The following CC2D1B variants were observed in gnomAD, a reference collection of about 807,000 sequenced individuals.
The protein encoded by CC2D1B is coiled-coil and C2 domain containing 1B.
In CC2D1B, 92 loss-of-function variants were observed where a neutral mutation model predicts 110.8. The observed-to-expected ratio is 0.83, with a 90% CI of 0.70 to 0.99. The LOEUF (loss-of-function observed/expected upper bound fraction) is 0.99, where lower values mean the gene tolerates loss of function less well. CC2D1B is among the 50% of genes least tolerant of loss of function. The pLI is 0.00. For synonymous variants in CC2D1B, 406 were observed against 429.2 expected, an observed-to-expected ratio of 0.95 and a Z score of 0.67; for missense variants, 1,136 against 1,089.0, an observed-to-expected ratio of 1.04 and a Z score of -0.61.
At position 52,359,520 on chromosome 1, in the gene CC2D1B, G is replaced by C. The variant is rs2147894058; in HGVS notation, c.957C>G (p.Val319=). The change falls in exon 9 of 25, where the codon GTC becomes GTG. Residue 319 remains valine, a synonymous_variant. Coordinates refer to ENST00000284376, the MANE Select transcript of CC2D1B (RefSeq NM_001330585.2). ...GCTGCCCCTTCTCCAGGGCCTCCAG[G>C]ACAGCACCGAATCTCTGCAGAAGTT... ...LMRIGKRFGA[V]LEALEKGQPV... is the part of the protein sequence containing the mutation. The C allele has an allele frequency of 1.2e-6, 2 of 1,613,950 alleles. No homozygotes were observed. Among genetic ancestry groups the C allele is most frequent in the Middle Eastern group, 1.7e-4 (1 of 6,060 alleles).
rs1440365793 is a variant in CC2D1B at position 52,352,116 on chromosome 1, T to C, written c.*1109A>G. 2 of 152,126 alleles carry C rather than the reference T, an allele frequency of 1.3e-5. No individual in the cohort carries two copies. The highest frequency in any genetic ancestry group is 2.9e-5 in the Non-Finnish European group (2 of 68,050). The allele number at this position is 152,126 out of a possible 1,614,324, so 9.4% of individuals were successfully genotyped here. A position where few individuals can be genotyped will look rare whatever the true frequency, so the allele number is the denominator to read the frequency against. ...TATTTGCTTCACTTCTAACCTTTTT[T>C]AAAAGTGATCTTGAGGAATGCTTTG... On this transcript the variant is annotated 3_prime_UTR_variant, in exon 25 of 25. Transcript: ENST00000284376.
At position 52,354,862 on chromosome 1, in the gene CC2D1B, T is replaced by C. The variant is rs746578834; in HGVS notation, c.2317A>G (p.Lys773Glu). ...CACCCTTTGTGGAAGATCTCAAACT[T>C]GATGCCTTTGCTCTGGATCACCCTC... The part of the protein sequence containing the change: ...FKRVIQSKGI[K>E]FEIFHKGSFF... Residue 773 changes from lysine to glutamate, a missense_variant, in exon 22 of 25, where the codon AAG becomes GAG. Transcript: ENST00000284376. 1.9e-6 allele frequency: 3 copies of C among 1,614,164 alleles called. No homozygotes were observed. In the South Asian group the frequency reaches 3.3e-5, roughly 18 times the overall value.
chr1:52,364,636 T>C lies in CC2D1B; in HGVS notation c.-14-2A>G, dbSNP rs762497826. 8 of 1,594,272 alleles carry C rather than the reference T, an allele frequency of 5.0e-6. No homozygotes were observed. In the South Asian group the frequency reaches 5.6e-5, roughly 11 times the overall value. ...CTGGCATCATGGCAGCCTAGATACC[T>C]ATGGAAGAGTTACAGAGATTCAGGC... On this transcript the variant is annotated splice_acceptor_variant, in intron 1 of 24. Transcript: ENST00000284376. LOFTEE classifies it low-confidence loss of function (5UTR_SPLICE).
At chr1:52,354,995 G>C (rs1384621528) in intron 21 of CC2D1B, 56 bp from the exon 22 acceptor site, 3 of 1,445,380 alleles carry the variant, frequency 2.1e-6, no homozygotes, top group Non-Finnish European at 2.9e-6. Context: ...TCCTGAGGAA[G>C]TGGAAATGGA....
chr1:52,360,044 C>G, intron 7 of CC2D1B, 30 bp downstream of exon 7: 5 of 1,557,060 alleles, frequency 3.2e-6, no homozygotes, highest in Non-Finnish European at 4.3e-6. Context: ...ACCCCAGGAA[C>G]TAGAACAGGA....
intron 11 of CC2D1B, 100 bp downstream of exon 11, chr1:52,358,926 TG>T (rs1243280263): frequency 2.0e-6 from 3 of 1,521,160 alleles, no homozygotes; most frequent in Non-Finnish European, 2.7e-6. Context: ...AAACAGATGA[TG>T]GTTCAGAAAA....
chr1:52,359,178 A>G (rs374965701), intron 10 of CC2D1B, 21 bp from the exon 11 acceptor site: 35 of 1,609,378 alleles, frequency 2.2e-5, no homozygotes, highest in Non-Finnish European at 2.9e-5. Flanking sequence ...AGAAGGAAGA[A>G]GTGGGCATCA....
At chr1:52,358,922 A>G in intron 11 of CC2D1B, 105 bp downstream of exon 11, 1 of 1,517,586 alleles carries the variant, frequency 6.6e-7, no homozygotes, top group Non-Finnish European at 8.9e-7. Context: ...AGACAAACAG[A>G]TGATGGTTCA....
chr1:52,362,960 T>G (rs1043171029), intron 2 of CC2D1B, among the ~76,000 whole-genome samples: 2 of 152,182 alleles, frequency 1.3e-5, no homozygotes, highest in Non-Finnish European at 2.9e-5. Flanking sequence ...ACACTGAAAC[T>G]GAGACAGTCT....
intron 13 of CC2D1B, chr1:52,358,100 G>C (rs940691010): frequency 4.9e-5 from 44 of 897,898 alleles, no homozygotes; most frequent in Middle Eastern, 7.1e-4. Flanking sequence ...CAGCAGGAGA[G>C]AGACTGCAGG....
intron 15 of CC2D1B, 123 bp from the exon 16 acceptor site, chr1:52,357,249 T>C: frequency 8.4e-7 from 1 of 1,191,036 alleles, no homozygotes; most frequent in Non-Finnish European, 1.2e-6. Context: ...TGATGACAAC[T>C]CATCGCCTCC....
At chr1:52,358,016 G>C in intron 13 of CC2D1B, 118 bp from the exon 14 acceptor site, 1 of 1,416,210 alleles carries the variant, frequency 7.1e-7, no homozygotes, top group South Asian at 1.5e-5. Context: ...CCTGAGATGG[G>C]TGGCTTCTCT....
Position 52,354,868 on chromosome 1 carries a change from C to A in CC2D1B, c.2311G>T (p.Gly771Cys). The A allele has an allele frequency of 6.2e-7, 1 of 1,614,222 alleles. No homozygotes were observed. The highest frequency in any genetic ancestry group is 8.5e-7 in the Non-Finnish European group (1 of 1,180,032). ...RGFKRVIQSK[G>C]IKFEIFHKGS... ...TTGTGGAAGATCTCAAACTTGATGC[C>A]TTTGCTCTGGATCACCCTCTTGAAG... Residue 771 changes from glycine (G) to cysteine (C), a missense_variant, in exon 22 of 25, where the codon GGC becomes TGC. Gly to Cys is a radical substitution (Grantham distance 159, BLOSUM62 -3). Transcript: ENST00000284376.
intron 1 of CC2D1B, among the ~76,000 whole-genome samples, chr1:52,365,350 C>T (rs1017396571): frequency 2.0e-5 from 3 of 152,262 alleles, no homozygotes; most frequent in African/African-American, 7.2e-5. Flanking sequence ...GTGACCCCTT[C>T]TTCAGCCCTG....
chr1:52,364,586 T>G lies in CC2D1B; in HGVS notation c.35A>C (p.Gln12Pro). The change falls in exon 2 of 25, where the codon CAG becomes CCG. Residue 12 changes from glutamine (Q) to proline (P), a missense_variant. Transcript: ENST00000284376. ...MPGPRPRKGP[Q>P]ARGQGVAAAK... Reference sequence around the variant, plus strand: ...AGCGGCCACCCCTTGGCCTCTGGCCTGAGGGCCCTTCCGAGGTCTTGGCCC... The same window carrying G: ...AGCGGCCACCCCTTGGCCTCTGGCCGGAGGGCCCTTCCGAGGTCTTGGCCC... 6.2e-7 allele frequency: 1 copy of G among 1,608,446 alleles called. No homozygotes were observed.
intron 3 of CC2D1B, 149 bp from the exon 4 acceptor site, chr1:52,361,765 C>A (rs1473887199): frequency 1.6e-5 from 16 of 982,372 alleles, no homozygotes; most frequent in Non-Finnish European, 4.6e-6. Context: ...CTTTAAGACC[C>A]AGTTCAAAAG....
Position 52,359,292 on chromosome 1 carries a change from G to A in CC2D1B, c.1084C>T (p.Arg362Ter), listed in dbSNP as rs1646726036. Residue 362 changes from arginine to a stop codon, truncating the protein, a stop_gained, in exon 10 of 25, where the codon CGA becomes TGA. Coordinates refer to ENST00000284376, the MANE Select transcript of CC2D1B (RefSeq NM_001330585.2). LOFTEE classifies it high-confidence loss of function. ...TCAGGGGCCATCACTGGCTGCACTC[G>A]CTCCACGGCTGGGGGAATGACTGAG... ...APSVIPPAVE[R>*]VQPVMAPDVP... is the part of the protein sequence containing the mutation. 2 of 1,613,182 alleles carry A rather than the reference G, an allele frequency of 1.2e-6. No homozygotes were observed. The highest frequency in any genetic ancestry group is 8.5e-7 in the Non-Finnish European group (1 of 1,179,674).
In CC2D1B at chr1:52,357,903, A is replaced by C; in HGVS notation, c.1462-5T>G. Reference sequence around the variant, plus strand: ...GGCCTGTGCTGGGGGCTCACCCTGCAGGTGCCCAGGAGGCTGTTAGGAGGG... The same window carrying C: ...GGCCTGTGCTGGGGGCTCACCCTGCCGGTGCCCAGGAGGCTGTTAGGAGGG... On this transcript the variant is annotated splice_region_variant and splice_polypyrimidine_tract_variant and intron_variant, in intron 13 of 24. Transcript: ENST00000284376. 6.5e-7 allele frequency: 1 copy of C among 1,543,254 alleles called. No individual in the cohort carries two copies. The highest frequency in any genetic ancestry group is 8.7e-7 in the Non-Finnish European group (1 of 1,151,452).
chr1:52,356,013 C>G (rs1646643487), intron 18 of CC2D1B, among the ~76,000 whole-genome samples, 169 bp from the exon 19 acceptor site: 2 of 152,158 alleles, frequency 1.3e-5, no homozygotes, highest in Admixed American at 1.3e-4. Flanking sequence ...TCCACAGCAC[C>G]CAGACAGCTG....
Sources: gnomAD v4.1 joint callset for allele counts (sites outside exome capture counted in the v4.1 genomes callset) on GRCh38, gnomAD v4.1.1 for gene constraint, MANE v1.5 for transcripts, NCBI Gene and HGNC (gene_info 2026-07-23, HGNC 2026-07-21) for gene names.